Variants in DIAPH2 observed in about 807,000 individuals in gnomAD.
DIAPH2 encodes the protein protein diaphanous homolog 2.
Under a neutral mutation model 92.7 loss-of-function variants are expected in DIAPH2, and 35 were observed. That is an observed-to-expected ratio of 0.38 (90% CI 0.29 to 0.50). The LOEUF (loss-of-function observed/expected upper bound fraction) is 0.50. DIAPH2 is among the 20% of genes least tolerant of loss of function. The pLI, the probability that DIAPH2 is intolerant of heterozygous loss-of-function variation, is 0.94. For synonymous variants in DIAPH2, 301 were observed against 280.4 expected (o/e 1.07, Z -0.73); for missense variants, 701 against 819.5 (o/e 0.86, Z 1.77).
chrX:97,051,469 ACTT>A (rs2066519581), intron 17 of DIAPH2, among the ~76,000 whole-genome samples: 1 of 105,670 alleles, frequency 9.5e-6, no homozygotes, highest in Admixed American at 1.0e-4. Flanking sequence ...GGGGATGACT[ACTT>A]CTTTGATGTC....
At chrX:97,017,467 G>A (rs750164100) in intron 17 of DIAPH2, among the ~76,000 whole-genome samples, 1 of 111,543 alleles carries the variant, frequency 9.0e-6, no homozygotes, top group South Asian at 3.8e-4. Flanking sequence ...GTTAGGAAGT[G>A]ACCCTCAAGA....
At chrX:97,187,967 G>T (rs2067621819) in intron 22 of DIAPH2, among the ~76,000 whole-genome samples, 1 of 111,700 alleles carries the variant, frequency 9.0e-6, no homozygotes, top group South Asian at 3.8e-4. Flanking sequence ...AAAATGATGG[G>T]TTTAGATTTA....
At chrX:97,524,583 A>G (rs145891008) in intron 26 of DIAPH2, among the ~76,000 whole-genome samples, 95 of 112,362 alleles carry the variant, frequency 8.5e-4, no homozygotes, top group African/African-American at 3.0e-3. Flanking sequence ...TTGCACCTTT[A>G]CTGTAACTCT....
At position 96,841,256 on chromosome X, in the gene DIAPH2, A is replaced by G. The variant is rs187918141; in HGVS notation, c.448-40323A>G. Among the ~76,000 whole-genome samples, 150 of 111,933 alleles carry G rather than the reference A, an allele frequency of 1.3e-3. 1 individual carries two copies. The highest frequency in any genetic ancestry group is 4.7e-3 in the African/African-American group (145 of 30,804). On this transcript the variant is annotated intron_variant, in intron 4 of 26. Transcript: ENST00000324765. ...ACTTTCATGCTTATGTTATCCTCTT[A>G]TTAAATAAAGTAATGCCAAGCCCAT... is the stretch of plus-strand genomic sequence containing the variant.
chrX:96,849,309 G>A (rs1182497451), intron 4 of DIAPH2, among the ~76,000 whole-genome samples: 1 of 111,322 alleles, frequency 9.0e-6, no homozygotes, highest in Non-Finnish European at 1.9e-5. Flanking sequence ...GGGATTACAG[G>A]CATGTGCCAC....
intron 3 of DIAPH2, among the ~76,000 whole-genome samples, chrX:96,757,324 A>C (rs1227980625): frequency 2.7e-5 from 3 of 111,737 alleles, no homozygotes; most frequent in Non-Finnish European, 5.6e-5. Flanking sequence ...ATCTGGGTAC[A>C]CATCTATATC....
chrX:97,443,641 C>T (rs1436384609), intron 26 of DIAPH2, among the ~76,000 whole-genome samples: 1 of 111,999 alleles, frequency 8.9e-6, no homozygotes, highest in Non-Finnish European at 1.9e-5. Context: ...TGAGCAAGCT[C>T]GCATGTCCTA....
intron 22 of DIAPH2, among the ~76,000 whole-genome samples, chrX:97,206,568 A>G: frequency 8.9e-6 from 1 of 111,829 alleles, no homozygotes; most frequent in Non-Finnish European, 1.9e-5. Flanking sequence ...TGGATCATAC[A>G]TGAAAACATA....
At chrX:97,312,680 C>T (rs2068807037) in intron 23 of DIAPH2, among the ~76,000 whole-genome samples, 1 of 111,099 alleles carries the variant, frequency 9.0e-6, no homozygotes, top group African/African-American at 3.3e-5. Flanking sequence ...TTCTTTCTAA[C>T]TTTTTGAAAG....
chrX:97,542,270 A>T (rs1366114154), intron 26 of DIAPH2, among the ~76,000 whole-genome samples: 1 of 111,893 alleles, frequency 8.9e-6, no homozygotes, highest in African/African-American at 3.2e-5. Flanking sequence ...GTCTTCAGTA[A>T]GTTTTTCAGG....
At chrX:96,781,195 A>T (rs2064415416) in intron 4 of DIAPH2, among the ~76,000 whole-genome samples, 1 of 111,681 alleles carries the variant, frequency 9.0e-6, no homozygotes, top group Non-Finnish European at 1.9e-5. Flanking sequence ...TAGTGGTCTG[A>T]ATTGAAGGGT....
At chrX:97,365,594 T>C (rs2069372462) in intron 24 of DIAPH2, among the ~76,000 whole-genome samples, 1 of 111,708 alleles carries the variant, frequency 9.0e-6, no homozygotes. Flanking sequence ...ACTTTCCCTG[T>C]TATGCCTTTC....
intron 26 of DIAPH2, among the ~76,000 whole-genome samples, chrX:97,593,910 A>G (rs1241280269): frequency 2.7e-5 from 3 of 111,651 alleles, no homozygotes; most frequent in African/African-American, 9.7e-5. Flanking sequence ...CAATTTTTTC[A>G]CTTTTTATAT....
intron 17 of DIAPH2, among the ~76,000 whole-genome samples, chrX:97,064,152 A>T (rs772642322): frequency 8.9e-6 from 1 of 111,945 alleles, no homozygotes; most frequent in Admixed American, 9.5e-5. Context: ...TAAATTTCCT[A>T]TACTTCAAAC....
intron 5 of DIAPH2, chrX:96,884,545 G>A (rs1437106087): frequency 1.7e-6 from 2 of 1,210,844 alleles, no homozygotes; most frequent in Non-Finnish European, 2.2e-6. Context: ...CATCGTGGGG[G>A]TAATCAGAGG....
intron 22 of DIAPH2, among the ~76,000 whole-genome samples, chrX:97,194,564 G>T (rs1287743889): frequency 1.8e-5 from 2 of 111,393 alleles, no homozygotes; most frequent in Non-Finnish European, 3.8e-5. Flanking sequence ...GATTACAGGC[G>T]TGAACCACTG....
At chrX:96,934,399 G>T (rs1362470907) in intron 10 of DIAPH2, among the ~76,000 whole-genome samples, 2 of 111,039 alleles carry the variant, frequency 1.8e-5, no homozygotes, top group Non-Finnish European at 3.8e-5. Context: ...ATTCAAAGCA[G>T]CAAATTAGAT....
chrX:97,337,217 A>G (rs2069071653), intron 23 of DIAPH2, among the ~76,000 whole-genome samples: 6 of 110,148 alleles, frequency 5.4e-5, no homozygotes, highest in Admixed American at 3.9e-4. Context: ...GCAGGAGGTA[A>G]AAAAGAGAAG....
chrX:97,026,615 A>C (rs767289904), intron 17 of DIAPH2, among the ~76,000 whole-genome samples: 1 of 111,881 alleles, frequency 8.9e-6, no homozygotes, highest in African/African-American at 3.2e-5. Context: ...TTGATCTTTC[A>C]GTTCTGAATT....
Sources: gnomAD v4.1 joint callset for allele counts (sites outside exome capture counted in the v4.1 genomes callset) on GRCh38, gnomAD v4.1.1 for gene constraint, MANE v1.5 for transcripts, NCBI Gene and HGNC (gene_info 2026-07-23, HGNC 2026-07-21) for gene names.